The following KIAA1671 variants were observed in gnomAD, a reference collection of about 807,000 sequenced individuals.
The protein encoded by KIAA1671 is KIAA1671, also known as uncharacterized protein KIAA1671.
KIAA1671 carries 52 observed loss-of-function variants against 131.2 expected under a neutral mutation model. The ratio of observed to expected loss-of-function variants is 0.40; its 90% confidence interval spans 0.32 to 0.50. KIAA1671 has a LOEUF of 0.50. KIAA1671 is among the 20% of genes least tolerant of loss of function. The probability of loss-of-function intolerance (pLI) is 0.73; values close to 1 mark genes in which losing one functional copy is unlikely to be tolerated. For synonymous variants in KIAA1671, 1,003 were observed against 961.6 expected (o/e 1.04, Z -0.80); for missense variants, 2,360 against 2,364.2 (o/e 1.00, Z 0.04).
chr22:25,029,398 T>G lies in KIAA1671; in HGVS notation c.1399T>G (p.Ser467Ala). The part of the protein sequence containing the change: ...ESPLATPASP[S>A]AAPEPEKGVV... Reference sequence around the variant, plus strand: ...TCCCCTGGCCACCCCTGCGTCCCCATCGGCGGCACCAGAGCCGGAGAAAGG... The same window carrying G: ...TCCCCTGGCCACCCCTGCGTCCCCAGCGGCGGCACCAGAGCCGGAGAAAGG... The change falls in exon 3 of 13, where the codon TCG becomes GCG. Residue 467 changes from serine (S) to alanine (A), a missense_variant. Around this residue, in one of 3 missense-constraint regions of KIAA1671, gnomAD observed 1,185 missense variants for 1,126.2 expected, o/e 1.05. Coordinates refer to ENST00000358431, the MANE Select transcript of KIAA1671 (RefSeq NM_001145206.2). 6.4e-7 allele frequency: 1 copy of G among 1,551,312 alleles called. No individual in the cohort carries two copies. Among genetic ancestry groups the G allele is most frequent in the East Asian group, 2.4e-5 (1 of 40,904 alleles).
rs1695421318 is a variant in KIAA1671 at position 25,029,331 on chromosome 22, T to C, written c.1332T>C (p.Phe444=). The C allele has an allele frequency of 6.5e-7, 1 of 1,546,946 alleles. No individual in the cohort carries two copies. The highest frequency in any genetic ancestry group is 8.7e-7 in the Non-Finnish European group (1 of 1,144,332). The part of the protein sequence containing the change: ...RRSVRKCISL[F]REDSTLALAV... ...GTGTCAGGAAGTGCATCAGCCTGTT[T>C]CGGGAGGACAGCACCTTGGCCTTGG... The change falls in exon 3 of 13, where the codon TTT becomes TTC. Residue 444 remains phenylalanine (F), a synonymous_variant. Coordinates refer to ENST00000358431, the MANE Select transcript of KIAA1671 (RefSeq NM_001145206.2).
chr22:25,113,650 C>T (rs760290332), intron 6 of KIAA1671, among the ~76,000 whole-genome samples: 2 of 152,196 alleles, frequency 1.3e-5, no homozygotes, highest in Non-Finnish European at 2.9e-5. Flanking sequence ...CCAGAGCAGG[C>T]AGTTGCAAAT....
Position 25,170,955 on chromosome 22 carries a change from G to C in KIAA1671, c.4649+17G>C. Reference sequence around the variant, plus strand: ...TGGGGAGAGGTAGGACGCGTGCGACGGGATTCTGGCTGCAAAGGGGGCAGC... The same window carrying C: ...TGGGGAGAGGTAGGACGCGTGCGACCGGATTCTGGCTGCAAAGGGGGCAGC... On this transcript the variant is annotated intron_variant, in intron 7 of 12. Transcript: ENST00000358431. 1 of 1,548,642 alleles carries C rather than the reference G, an allele frequency of 6.5e-7. No homozygotes were observed. The highest frequency in any genetic ancestry group is 1.2e-5 in the South Asian group (1 of 83,976).
chr22:25,135,430 C>G (rs1207373060), intron 6 of KIAA1671, among the ~76,000 whole-genome samples: 1 of 152,198 alleles, frequency 6.6e-6, no homozygotes, highest in Non-Finnish European at 1.5e-5. Context: ...TTGTGATCCA[C>G]CTGCCTCGGT....
Position 25,029,556 on chromosome 22 carries a change from C to G in KIAA1671, c.1541+16C>G. 1 of 1,497,108 alleles carries G rather than the reference C, an allele frequency of 6.7e-7. No individual in the cohort carries two copies. The highest frequency in any genetic ancestry group is 8.9e-7 in the Non-Finnish European group (1 of 1,117,374). The allele number at this position is 1,497,108 out of a possible 1,614,324, so 92.7% of individuals were successfully genotyped here. ...TGACCAAATTGTAAGTAGGCACATC[C>G]CACACCCCTCTCTCAGCCGCCCACC... On this transcript the variant is annotated intron_variant, in intron 3 of 12. Coordinates refer to ENST00000358431, the MANE Select transcript of KIAA1671 (RefSeq NM_001145206.2).
intron 1 of KIAA1671, among the ~76,000 whole-genome samples, chr22:24,983,378 GTA>G (rs1435921118): frequency 6.6e-6 from 1 of 152,132 alleles, no homozygotes; most frequent in Non-Finnish European, 1.5e-5. Flanking sequence ...GCTTCTAGCT[GTA>G]TGTCTGTGTG....
intron 6 of KIAA1671, among the ~76,000 whole-genome samples, chr22:25,100,642 C>T (rs979989128): frequency 6.6e-6 from 1 of 152,224 alleles, no homozygotes; most frequent in African/African-American, 2.4e-5. Flanking sequence ...ATGGAGATTA[C>T]AGCCTTCCTG....
chr22:25,022,072 C>T (rs1323512218), intron 1 of KIAA1671, among the ~76,000 whole-genome samples: 1 of 151,812 alleles, frequency 6.6e-6, no homozygotes, highest in Non-Finnish European at 1.5e-5. Context: ...CCGTGCCTGG[C>T]CCCGTTCCTG....
intron 4 of KIAA1671, among the ~76,000 whole-genome samples, chr22:25,037,000 A>G (rs1356727245): frequency 1.3e-5 from 2 of 152,220 alleles, no homozygotes; most frequent in Non-Finnish European, 2.9e-5. Context: ...AAATGGATTC[A>G]TGTATTGTTT....
At chr22:25,179,687 G>A (rs995085638) in intron 9 of KIAA1671, 9 of 608,686 alleles carry the variant, frequency 1.5e-5, no homozygotes, top group Admixed American at 1.3e-4. Context: ...TTGAAGGTTA[G>A]TATATTAATT....
chr22:24,976,883 C>T (rs931616184), intron 1 of KIAA1671, among the ~76,000 whole-genome samples: 32 of 126,522 alleles, frequency 2.5e-4, no homozygotes, highest in African/African-American at 2.8e-5. Context: ...AGTCAGGATT[C>T]GGACCATGTT....
intron 1 of KIAA1671, among the ~76,000 whole-genome samples, chr22:25,000,184 GTTTT>G (rs1184771280): frequency 6.4e-5 from 4 of 62,164 alleles, no homozygotes; most frequent in Non-Finnish European, 1.1e-4. Context: ...CTCCTCGCCT[GTTTT>G]TTTTTTTTTT....
rs1345398226 is a variant in KIAA1671, at chr22:25,027,957, C to T, written c.-43C>T. 2 of 1,373,624 alleles carry T rather than the reference C, an allele frequency of 1.5e-6. No individual in the cohort carries two copies. The highest frequency in any genetic ancestry group is 1.5e-5 in the African/African-American group (1 of 68,188). 85.1% of individuals were successfully genotyped at this position (1,373,624 alleles called of 1,614,324 possible). A position where few individuals can be genotyped will look rare whatever the true frequency, so the allele number is the denominator to read the frequency against. On this transcript the variant is annotated 5_prime_UTR_variant, in exon 3 of 13. Coordinates refer to ENST00000358431, the MANE Select transcript of KIAA1671 (RefSeq NM_001145206.2). ...TTTGTTTGTTTAGCAATTGCTTCTC[C>T]ATTCTTGAAGTTCCTAACCCCCATG... is the stretch of plus-strand genomic sequence containing the variant.
intron 4 of KIAA1671, 69 bp downstream of exon 4, chr22:25,032,765 T>C (rs1926362021): frequency 1.1e-6 from 1 of 921,312 alleles, no homozygotes; most frequent in Middle Eastern, 2.3e-4. Flanking sequence ...AGAAAGAGCC[T>C]CCATGATCTT....
intron 6 of KIAA1671, among the ~76,000 whole-genome samples, chr22:25,076,665 C>T (rs1023627996): frequency 1.3e-5 from 2 of 152,234 alleles, no homozygotes; most frequent in African/African-American, 4.8e-5. Flanking sequence ...CTGAGATAAC[C>T]TCGCCAGACG....
rs2145808342 is a variant in KIAA1671 at position 25,041,631 on chromosome 22, T to C, written c.4395+106T>C. On this transcript the variant is annotated intron_variant, in intron 5 of 12. Coordinates refer to ENST00000358431, the MANE Select transcript of KIAA1671 (RefSeq NM_001145206.2). Reference sequence around the variant, plus strand: ...GGCCCACTTTGGGTACATAAATGAGTGGAGTCAGGCTGGGTATGAGGCTCC... The same window carrying C: ...GGCCCACTTTGGGTACATAAATGAGCGGAGTCAGGCTGGGTATGAGGCTCC... 2.5e-6 allele frequency: 3 copies of C among 1,196,378 alleles called. No homozygotes were observed. In the South Asian group the frequency reaches 4.8e-5, roughly 19 times the overall value. The allele number at this position is 1,196,378 out of a possible 1,614,324, so 74.1% of individuals were successfully genotyped here.
chr22:25,019,399 G>A (rs1002520679), intron 1 of KIAA1671, among the ~76,000 whole-genome samples: 4 of 152,058 alleles, frequency 2.6e-5, no homozygotes, highest in African/African-American at 7.2e-5. Flanking sequence ...CTTAATAAAC[G>A]ATAGTTATTT....
intron 1 of KIAA1671, among the ~76,000 whole-genome samples, chr22:24,996,177 G>A (rs1270288589): frequency 6.6e-6 from 1 of 151,932 alleles, no homozygotes; most frequent in East Asian, 1.9e-4. Flanking sequence ...TATGCAGGTG[G>A]CTATGCTAAG....
rs1215473585 is a variant in KIAA1671, at chr22:25,184,988, C to T, written c.5211C>T (p.His1737=). Residue 1737 remains histidine, a synonymous_variant, in exon 11 of 13, where the codon CAC becomes CAT. Transcript: ENST00000358431. ...MDPAVLKAQL[H]KRPEVDSPGE... ...TCTTTTCTCCCCAGGCTCAGCTGCA[C>T]AAGAGGCCAGAGGTGGACAGTCCTG... 5.2e-6 allele frequency: 8 copies of T among 1,551,570 alleles called. No individual in the cohort carries two copies. Among genetic ancestry groups the T allele is most frequent in the Non-Finnish European group, 7.0e-6 (8 of 1,147,022 alleles).
Sources: gnomAD v4.1 joint callset for allele counts (sites outside exome capture counted in the v4.1 genomes callset) on GRCh38, gnomAD v4.1.1 for gene constraint, gnomAD v4.1.1 regional missense constraint, MANE v1.5 for transcripts, NCBI Gene and HGNC (gene_info 2026-07-23, HGNC 2026-07-21) for gene names.